The following ARHGEF12 variants were observed in gnomAD, a reference collection of about 807,000 sequenced individuals.
ARHGEF12 encodes the protein KMT2A/ARHGEF12 fusion protein.
ARHGEF12 carries 66 observed loss-of-function variants against 211.2 expected under a neutral mutation model. That is an observed-to-expected ratio of 0.31 (90% confidence interval 0.26 to 0.38). The LOEUF is 0.38. Among genes scored for constraint, ARHGEF12 ranks in the 10% least tolerant of loss-of-function variants. The pLI, the probability that ARHGEF12 is intolerant of heterozygous loss-of-function variation, is 1.00. For missense variants in ARHGEF12, 1,429 were observed against 1,869.5 expected (o/e 0.76, Z 4.34); for synonymous variants, 592 against 638.4 (o/e 0.93, Z 1.09).
chr11:120,424,920 T>C (rs954884952), intron 7 of ARHGEF12, among the ~76,000 whole-genome samples: 1 of 152,186 alleles, frequency 6.6e-6, no homozygotes, highest in Non-Finnish European at 1.5e-5. Context: ...AGTAAATGAT[T>C]ATATAATCCA....
At chr11:120,344,949 TC>T (rs1053914123) in intron 1 of ARHGEF12, among the ~76,000 whole-genome samples, 10 of 152,216 alleles carry the variant, frequency 6.6e-5, no homozygotes, top group Admixed American at 6.5e-4. Context: ...TTAGAATTTT[TC>T]CCCTTTTTTT....
chr11:120,417,244 T>C (rs1945058375), intron 4 of ARHGEF12, among the ~76,000 whole-genome samples: 1 of 152,180 alleles, frequency 6.6e-6, no homozygotes, highest in Non-Finnish European at 1.5e-5. Context: ...GAAGCCCAGG[T>C]TGCTTAGCAC....
intron 36 of ARHGEF12, chr11:120,477,756 C>T (rs940837933): frequency 7.2e-6 from 3 of 416,924 alleles, no homozygotes; most frequent in Non-Finnish European, 8.4e-6. Context: ...ATCCCAGCTA[C>T]TTGGGAGGCT....
rs553732013 is a variant in ARHGEF12 at position 120,379,798 on chromosome 11, C to T, written c.33-26320C>T. On this transcript the variant is annotated intron_variant, in intron 1 of 40. Coordinates refer to ENST00000397843, the MANE Select transcript of ARHGEF12 (RefSeq NM_015313.3). ...TTAGGATAAACCCCATTTGGTTTATCCTAATGGTCTCTTTATTATGTATTA... is the reference window on the plus strand; with the variant it reads ...TTAGGATAAACCCCATTTGGTTTATTCTAATGGTCTCTTTATTATGTATTA... Among the ~76,000 whole-genome samples the T allele has an allele frequency of 2.0e-5, 3 of 151,882 alleles. No homozygotes were observed. In the East Asian group the frequency reaches 5.8e-4, roughly 29 times the overall value.
intron 27 of ARHGEF12, among the ~76,000 whole-genome samples, chr11:120,461,583 G>A (rs915134775): frequency 1.3e-5 from 2 of 152,128 alleles, no homozygotes; most frequent in African/African-American, 2.4e-5. Context: ...CAAGAGAGCT[G>A]GCCTTTCTTT....
intron 21 of ARHGEF12, 102 bp from the exon 22 acceptor site, chr11:120,451,410 C>G (rs1460313681): frequency 3.9e-6 from 4 of 1,034,156 alleles, no homozygotes; most frequent in Non-Finnish European, 5.8e-6. Context: ...ATCTCCTGAC[C>G]TCATGATTCG....
intron 33 of ARHGEF12, 45 bp from the exon 34 acceptor site, chr11:120,476,616 T>A (rs765593156): frequency 1.4e-6 from 2 of 1,479,784 alleles, no homozygotes; most frequent in South Asian, 2.5e-5. Flanking sequence ...CCTCATGGCC[T>A]CCCCAGGTCA....
intron 4 of ARHGEF12, among the ~76,000 whole-genome samples, chr11:120,420,216 TG>T (rs1399075685): frequency 6.6e-6 from 1 of 152,230 alleles, no homozygotes; most frequent in Non-Finnish European, 1.5e-5. Context: ...TTCCCTTCTT[TG>T]GGGAATAACT....
At chr11:120,433,583 A>G (rs1429203067) in intron 11 of ARHGEF12, among the ~76,000 whole-genome samples, 2 of 152,248 alleles carry the variant, frequency 1.3e-5, no homozygotes, top group Non-Finnish European at 2.9e-5. Context: ...AATGATACGA[A>G]TGAGAAATTT....
chr11:120,488,007 G>C lies in ARHGEF12; in HGVS notation c.*2930G>C, dbSNP rs1237603327. On this transcript the variant is annotated 3_prime_UTR_variant, in exon 41 of 41. Transcript: ENST00000397843. ...GGGAGGTATATTTTATGAGCTTTTT[G>C]GCTTTCTTTTTTCCCACAGCAACTG... The C allele has an allele frequency of 4.5e-6, 1 of 221,990 alleles. No homozygotes were observed. Among genetic ancestry groups the C allele is most frequent in the Non-Finnish European group, 9.0e-6 (1 of 111,148 alleles). The allele number at this position is 221,990 out of a possible 1,614,324, so 13.8% of individuals were successfully genotyped here.
chr11:120,420,916 A>C, intron 5 of ARHGEF12, 65 bp downstream of exon 5: 1 of 1,358,652 alleles, frequency 7.4e-7, no homozygotes, highest in South Asian at 1.2e-5. Context: ...AGCTTAAATA[A>C]TGGCAATTGC....
At chr11:120,426,357 G>A (rs1391247787) in intron 7 of ARHGEF12, among the ~76,000 whole-genome samples, 2 of 152,086 alleles carry the variant, frequency 1.3e-5, no homozygotes, top group Admixed American at 1.3e-4. Context: ...AATAGTAAGG[G>A]CATAGCTAAA....
chr11:120,382,271 A>G (rs1429061196), intron 1 of ARHGEF12, among the ~76,000 whole-genome samples: 1 of 152,244 alleles, frequency 6.6e-6, no homozygotes, highest in Non-Finnish European at 1.5e-5. Flanking sequence ...CTTTATAGAA[A>G]TGGAGTTGTG....
intron 4 of ARHGEF12, among the ~76,000 whole-genome samples, chr11:120,412,735 T>C (rs1944922931): frequency 6.6e-6 from 1 of 152,196 alleles, no homozygotes; most frequent in Non-Finnish European, 1.5e-5. Context: ...ATCATTGTTC[T>C]CTACAGCTGG....
At chr11:120,361,049 C>T (rs911910425) in intron 1 of ARHGEF12, among the ~76,000 whole-genome samples, 23 of 152,160 alleles carry the variant, frequency 1.5e-4, no homozygotes, top group African/African-American at 5.5e-4. Context: ...CTCAAGTCTG[C>T]GTACTTGGAA....
intron 6 of ARHGEF12, among the ~76,000 whole-genome samples, chr11:120,423,737 C>T (rs1945266304): frequency 6.6e-6 from 1 of 151,966 alleles, no homozygotes; most frequent in African/African-American, 2.4e-5. Context: ...GATGAGTATA[C>T]TTGTACTTCT....
chr11:120,370,602 C>T (rs373800740), intron 1 of ARHGEF12, among the ~76,000 whole-genome samples: 37 of 152,082 alleles, frequency 2.4e-4, no homozygotes, highest in Non-Finnish European at 4.7e-4. Context: ...TATACATGAA[C>T]GTGGTTTTTC....
intron 1 of ARHGEF12, among the ~76,000 whole-genome samples, chr11:120,394,665 C>G (rs1020324692): frequency 4.0e-5 from 6 of 151,658 alleles, no homozygotes; most frequent in Non-Finnish European, 5.9e-5. Flanking sequence ...AATTATTAAA[C>G]CTCTAGCCAG....
chr11:120,344,515 GT>G (rs1478524533), intron 1 of ARHGEF12, among the ~76,000 whole-genome samples: 1 of 152,178 alleles, frequency 6.6e-6, no homozygotes, highest in African/African-American at 2.4e-5. Context: ...GCCCAGTACA[GT>G]CTCTGTGGTT....
Sources: gnomAD v4.1 joint callset for allele counts (sites outside exome capture counted in the v4.1 genomes callset) on GRCh38, gnomAD v4.1.1 for gene constraint, MANE v1.5 for transcripts, NCBI Gene and HGNC (gene_info 2026-07-23, HGNC 2026-07-21) for gene names.